EPC2: variants seen among roughly 807,000 people sequenced by gnomAD.
The protein encoded by EPC2 is enhancer of polycomb homolog 2.
In EPC2, 14 loss-of-function variants were observed where a neutral mutation model predicts 92.1. The ratio of observed to expected loss-of-function variants is 0.15; its 90% CI spans 0.10 to 0.24. The LOEUF is 0.24. EPC2 is among the 10% of genes least tolerant of loss of function. The pLI is 1.00. For synonymous variants in EPC2, 340 were observed against 334.7 expected, an observed-to-expected ratio of 1.02 and a Z score of -0.17; for missense variants, 755 against 971.5, an observed-to-expected ratio of 0.78 and a Z score of 2.96.
chr2:148,761,051 T>C (rs530583663), intron 4 of EPC2, among the ~76,000 whole-genome samples: 80 of 152,350 alleles, frequency 5.3e-4, no homozygotes, highest in Non-Finnish European at 1.2e-4. Flanking sequence ...AGTAATAATT[T>C]TATATGCAAA....
intron 1 of EPC2, among the ~76,000 whole-genome samples, chr2:148,654,599 A>G (rs1680751391): frequency 6.6e-6 from 1 of 152,174 alleles, no homozygotes. Flanking sequence ...TCAAGGCTGC[A>G]GTGAACTGTG....
chr2:148,737,569 G>A (rs762573625), intron 2 of EPC2, among the ~76,000 whole-genome samples: 8 of 152,006 alleles, frequency 5.3e-5, no homozygotes, highest in Admixed American at 1.3e-4. Flanking sequence ...TGCCCTCAGC[G>A]TGCCTAGTGC....
At chr2:148,673,079 C>T (rs903350087) in intron 1 of EPC2, among the ~76,000 whole-genome samples, 2 of 152,164 alleles carry the variant, frequency 1.3e-5, no homozygotes, top group Non-Finnish European at 2.9e-5. Flanking sequence ...CTCCCTTGTA[C>T]ATGACAAGTT....
At chr2:148,679,791 G>T (rs1306129570) in intron 1 of EPC2, among the ~76,000 whole-genome samples, 1 of 152,128 alleles carries the variant, frequency 6.6e-6, no homozygotes, top group Non-Finnish European at 1.5e-5. Context: ...GACCACTGAT[G>T]TGAGCCACCA....
At chr2:148,650,871 A>G (rs757804056) in intron 1 of EPC2, among the ~76,000 whole-genome samples, 51 of 152,172 alleles carry the variant, frequency 3.4e-4, no homozygotes, top group Non-Finnish European at 5.0e-4. Context: ...AGATATTGGG[A>G]AACTAAAGTG....
chr2:148,781,901 A>G (rs1558839440), intron 11 of EPC2, 121 bp downstream of exon 11: 1 of 1,118,880 alleles, frequency 8.9e-7, no homozygotes, highest in Non-Finnish European at 1.3e-6. Context: ...GGGGTCTGTA[A>G]CCTGAATTTC....
chr2:148,784,529 C>A, intron 12 of EPC2, 139 bp from the exon 13 acceptor site: 1 of 656,720 alleles, frequency 1.5e-6, no homozygotes, highest in Non-Finnish European at 2.6e-6. Context: ...TCAGAAGCTC[C>A]CTTTGGAGAG....
At chr2:148,728,048 G>A (rs1316374402) in intron 2 of EPC2, among the ~76,000 whole-genome samples, 1 of 152,100 alleles carries the variant, frequency 6.6e-6, no homozygotes, top group African/African-American at 2.4e-5. Context: ...GGAGTTCAGT[G>A]GCATGCTCAT....
In EPC2 at chr2:148,658,982, C is replaced by G. The variant is rs538030712; in HGVS notation, c.153+13812C>G. Among the ~76,000 whole-genome samples the G allele has an allele frequency of 6.9e-4, 105 of 151,798 alleles. 4 individuals carry two copies. In the South Asian group the frequency reaches 0.022, roughly 31 times the overall value. Reference sequence around the variant, plus strand: ...CCTCAAGTTTGTATTTGTAATAGATCATTATTGGATGGACTGTGGAGGCAG... The same window carrying G: ...CCTCAAGTTTGTATTTGTAATAGATGATTATTGGATGGACTGTGGAGGCAG... On this transcript the variant is annotated intron_variant, in intron 1 of 13. Transcript: ENST00000258484.
chr2:148,657,186 AAAG>A (rs1462104100), intron 1 of EPC2, among the ~76,000 whole-genome samples: 1 of 152,194 alleles, frequency 6.6e-6, no homozygotes, highest in African/African-American at 2.4e-5. Context: ...AGGATGGACT[AAAG>A]AAACAGTGCT....
intron 1 of EPC2, among the ~76,000 whole-genome samples, chr2:148,646,115 A>C (rs991605534): frequency 2.0e-5 from 3 of 152,212 alleles, no homozygotes; most frequent in Non-Finnish European, 2.9e-5. Flanking sequence ...TGCGAAGTTC[A>C]TAGTAACTGC....
intron 1 of EPC2, among the ~76,000 whole-genome samples, chr2:148,661,706 A>G (rs1351551018): frequency 6.6e-6 from 1 of 152,192 alleles, no homozygotes; most frequent in Non-Finnish European, 1.5e-5. Flanking sequence ...TATGTAATAC[A>G]TAAAAGTACA....
Position 148,775,972 on chromosome 2 carries a change from A to G in EPC2, c.1720+4585A>G, listed in dbSNP as rs375252983. ...GTTTTTGTATTTTTTTAGTAGAGAC[A>G]GGGTTTCACTGTGTTAGCCAGGATG... On this transcript the variant is annotated intron_variant, in intron 10 of 13. Coordinates refer to ENST00000258484, the MANE Select transcript of EPC2 (RefSeq NM_015630.4). Among the ~76,000 whole-genome samples, 465 of 151,754 alleles carry G rather than the reference A, an allele frequency of 3.1e-3. 12 individuals carry two copies. The East Asian group carries it at 0.072, about 23-fold the overall frequency.
chr2:148,748,387 T>C (rs1424595706), intron 3 of EPC2, among the ~76,000 whole-genome samples: 1 of 152,068 alleles, frequency 6.6e-6, no homozygotes, highest in Non-Finnish European at 1.5e-5. Flanking sequence ...TAATATACTC[T>C]CTTTCTTAAT....
At chr2:148,655,071 A>G (rs963065740) in intron 1 of EPC2, among the ~76,000 whole-genome samples, 2 of 152,222 alleles carry the variant, frequency 1.3e-5, no homozygotes, top group African/African-American at 4.8e-5. Flanking sequence ...GAGGGTAGTC[A>G]TGCCATTTAT....
intron 1 of EPC2, among the ~76,000 whole-genome samples, chr2:148,670,708 C>T (rs1371725082): frequency 6.6e-6 from 1 of 152,078 alleles, no homozygotes; most frequent in Non-Finnish European, 1.5e-5. Flanking sequence ...TATTCTCTCT[C>T]CTCTTCCCTG....
At chr2:148,659,907 CA>C (rs796419264) in intron 1 of EPC2, among the ~76,000 whole-genome samples, 5 of 152,210 alleles carry the variant, frequency 3.3e-5, no homozygotes, top group African/African-American at 1.2e-4. Context: ...GCCACCTAAG[CA>C]TATCTTGAGG....
intron 2 of EPC2, among the ~76,000 whole-genome samples, chr2:148,718,141 A>G (rs1682295186): frequency 6.6e-6 from 1 of 152,190 alleles, no homozygotes; most frequent in Non-Finnish European, 1.5e-5. Context: ...GTGTCTTTGC[A>G]TGTGAGATGG....
At chr2:148,645,400 T>G in intron 1 of EPC2, 1 of 460,628 alleles carries the variant, frequency 2.2e-6, no homozygotes, top group Non-Finnish European at 3.9e-6. Flanking sequence ...GCAGCGCTGC[T>G]TACGCTGCCG....
Sources: gnomAD v4.1 joint callset for allele counts (sites outside exome capture counted in the v4.1 genomes callset) on GRCh38, gnomAD v4.1.1 for gene constraint, MANE v1.5 for transcripts, NCBI Gene and HGNC (gene_info 2026-07-23, HGNC 2026-07-21) for gene names.